Variants in YTHDC1 observed in about 807,000 individuals in gnomAD.
YTHDC1 encodes the protein YTH N6-methyladenosine RNA binding protein C1.
In YTHDC1, 12 loss-of-function variants were observed where a neutral mutation model predicts 107.0. The ratio of observed to expected loss-of-function variants is 0.11; its 90% CI spans 0.07 to 0.18. The LOEUF is 0.18. YTHDC1 is among the 10% of genes least tolerant of loss of function. The pLI is 1.00. For missense variants in YTHDC1, 635 were observed against 898.8 expected (o/e 0.71, Z 3.75); for synonymous variants, 280 against 289.5 (o/e 0.97, Z 0.33).
chr4:68,332,424 T>C (rs1723693441), intron 6 of YTHDC1, among the ~76,000 whole-genome samples: 1 of 152,116 alleles, frequency 6.6e-6, no homozygotes, highest in African/African-American at 2.4e-5. Flanking sequence ...TTCCGATATA[T>C]CAAATCCATA....
intron 10 of YTHDC1, among the ~76,000 whole-genome samples, chr4:68,323,807 A>G (rs1168688897): frequency 3.3e-5 from 5 of 152,226 alleles, no homozygotes; most frequent in African/African-American, 7.2e-5. Context: ...CACATATACT[A>G]AACGGCAATT....
chr4:68,345,892 C>T (rs983894867), intron 1 of YTHDC1, among the ~76,000 whole-genome samples: 22 of 151,750 alleles, frequency 1.4e-4, no homozygotes, highest in African/African-American at 4.8e-4. Context: ...AGATCTGTTG[C>T]CTAGGGACAA....
chr4:68,345,498 G>C (rs112008098), intron 1 of YTHDC1, among the ~76,000 whole-genome samples: 2 of 152,006 alleles, frequency 1.3e-5, no homozygotes, highest in African/African-American at 4.8e-5. Context: ...TGTAATGTAC[G>C]TTGTACATTT....
chr4:68,343,542 AAT>A lies in YTHDC1; in HGVS notation c.29-5160_29-5159del, dbSNP rs1491418149. 3.9e-3 allele frequency among the ~76,000 whole-genome samples: 472 copies of A among 121,984 alleles called. 2 individuals are homozygous for A. Among genetic ancestry groups the A allele is most frequent in the African/African-American group, 0.013 (462 of 34,700 alleles). 80.0% of individuals were successfully genotyped at this position (121,984 alleles called of 152,430 possible). A position where few individuals can be genotyped will look rare whatever the true frequency, so the allele number is the denominator to read the frequency against. On this transcript the variant is annotated intron_variant, in intron 1 of 16. Transcript: ENST00000344157. ...AAATCTTTAAAAAAAAAAAAAAAAA[AAT>A]TTTTTTTTTTTTTGAGACAGTCTCA...
rs958084034 is a variant in YTHDC1, at chr4:68,312,187, T to C, written c.*1912A>G. On this transcript the variant is annotated 3_prime_UTR_variant, in exon 17 of 17. Transcript: ENST00000344157. ...GGTTTAGAAACACCAAATAAAAACA[T>C]GGGTAAAATCTTGGCCCATCAATTA... 3.3e-5 allele frequency: 5 copies of C among 152,212 alleles called. No individual in the cohort carries two copies. Among genetic ancestry groups the C allele is most frequent in the African/African-American group, 9.7e-5 (4 of 41,444 alleles). 9.4% of individuals were successfully genotyped at this position (152,212 alleles called of 1,614,324 possible).
intron 1 of YTHDC1, among the ~76,000 whole-genome samples, chr4:68,339,869 A>G (rs924171805): frequency 7.9e-5 from 12 of 152,244 alleles, no homozygotes; most frequent in Non-Finnish European, 4.4e-5. Flanking sequence ...TCATGAAAGC[A>G]TAAAACTCAG....
chr4:68,337,475 C>T (rs772663025), intron 3 of YTHDC1, 25 bp from the exon 4 acceptor site: 1 of 1,608,866 alleles, frequency 6.2e-7, no homozygotes, highest in South Asian at 1.1e-5. Flanking sequence ...AAAAGGGAAT[C>T]AGCAGTCATA....
intron 1 of YTHDC1, among the ~76,000 whole-genome samples, chr4:68,348,576 G>T (rs1725706634): frequency 6.6e-6 from 1 of 151,796 alleles, no homozygotes; most frequent in Non-Finnish European, 1.5e-5. Context: ...TTTAGGATAA[G>T]GGCAGTATCT....
chr4:68,325,702 T>A (rs1325772114), intron 9 of YTHDC1, among the ~76,000 whole-genome samples: 1 of 152,174 alleles, frequency 6.6e-6, no homozygotes, highest in Non-Finnish European at 1.5e-5. Flanking sequence ...AGATCTTATA[T>A]AACTTGTTTT....
chr4:68,324,227 A>G lies in YTHDC1; in HGVS notation c.1350-4T>C. On this transcript the variant is annotated splice_polypyrimidine_tract_variant and splice_region_variant and intron_variant, in intron 9 of 16. Transcript: ENST00000344157. ...CTTAGTGAAGGGTAATTCACGCCTA[A>G]ATACAAAGTAATATCAATTACATTC... 6.2e-7 allele frequency: 1 copy of G among 1,607,256 alleles called. No individual in the cohort carries two copies. The highest frequency in any genetic ancestry group is 8.5e-7 in the Non-Finnish European group (1 of 1,174,240).
intron 9 of YTHDC1, among the ~76,000 whole-genome samples, chr4:68,326,967 C>G (rs1227277737): frequency 2.0e-5 from 3 of 151,554 alleles, no homozygotes; most frequent in African/African-American, 7.3e-5. Context: ...GGCGCAGTGG[C>G]TCATGCCTGT....
chr4:68,349,757 T>A lies in YTHDC1; in HGVS notation c.-4A>T. The A allele has an allele frequency of 6.2e-7, 1 of 1,612,564 alleles. No individual in the cohort carries two copies. ...CCTCCCGACTGTCAGCCGCCATGGC[T>A]CCCCTTCGGTTTCCGCCGCTGCCAC... On this transcript the variant is annotated 5_prime_UTR_variant, in exon 1 of 17. Transcript: ENST00000344157.
At position 68,337,172 on chromosome 4, in the gene YTHDC1, TTCC is replaced by T. The variant is rs764323977; in HGVS notation, c.735_737del (p.Glu249del). The T allele has an allele frequency of 1.3e-3, 2,085 of 1,586,142 alleles. 5 individuals are homozygous for T. The highest frequency in any genetic ancestry group is 3.3e-3 in the African/African-American group (244 of 74,298). The stretch of plus-strand genomic sequence containing the variant: ...TCTCATCCTGTTCATATTCTTCTTC[TTCC>T]TCCTCCTCCTCCTCCTCTTCCTCCT... On this transcript the variant is annotated inframe_deletion, in exon 4 of 17. Transcript: ENST00000344157.
Position 68,349,755 on chromosome 4 carries a change from G to A in YTHDC1, c.-2C>T. On this transcript the variant is annotated 5_prime_UTR_variant, in exon 1 of 17. Transcript: ENST00000344157. ...CTCCTCCCGACTGTCAGCCGCCATG[G>A]CTCCCCTTCGGTTTCCGCCGCTGCC... is the stretch of plus-strand genomic sequence containing the variant. The A allele has an allele frequency of 2.5e-6, 4 of 1,613,422 alleles. No homozygotes were observed. The highest frequency in any genetic ancestry group is 3.4e-6 in the Non-Finnish European group (4 of 1,179,834).
Position 68,312,414 on chromosome 4 carries a change from C to G in YTHDC1, c.*1685G>C, listed in dbSNP as rs1476085772. The G allele has an allele frequency of 1.3e-5, 2 of 152,164 alleles. No homozygotes were observed. The highest frequency in any genetic ancestry group is 2.9e-5 in the Non-Finnish European group (2 of 68,022). 9.4% of individuals were successfully genotyped at this position (152,164 alleles called of 1,614,324 possible). A position where few individuals can be genotyped will look rare whatever the true frequency, so the allele number is the denominator to read the frequency against. On this transcript the variant is annotated 3_prime_UTR_variant, in exon 17 of 17. Coordinates refer to ENST00000344157, the MANE Select transcript of YTHDC1 (RefSeq NM_001031732.4). The stretch of plus-strand genomic sequence containing the variant: ...AAACTGTAGCTATCATCTTGTCTAG[C>G]TTACTGATGAATACACAAAATGCCA...
chr4:68,317,176 A>G (rs1445441474), intron 15 of YTHDC1, among the ~76,000 whole-genome samples: 1 of 152,184 alleles, frequency 6.6e-6, no homozygotes, highest in Non-Finnish European at 1.5e-5. Flanking sequence ...CAGAGCTATC[A>G]TCACACCACT....
intron 1 of YTHDC1, among the ~76,000 whole-genome samples, chr4:68,349,214 A>G (rs1354325760): frequency 1.3e-5 from 2 of 152,210 alleles, no homozygotes; most frequent in Non-Finnish European, 2.9e-5. Flanking sequence ...CGGGTAATTC[A>G]CTTTGCCTAT....
intron 4 of YTHDC1, among the ~76,000 whole-genome samples, chr4:68,334,924 G>T (rs1242984097): frequency 6.6e-6 from 1 of 152,132 alleles, no homozygotes; most frequent in Non-Finnish European, 1.5e-5. Context: ...GAAAATAACA[G>T]AAGCAGAAGA....
At chr4:68,341,091 C>T (rs1724754921) in intron 1 of YTHDC1, among the ~76,000 whole-genome samples, 1 of 151,978 alleles carries the variant, frequency 6.6e-6, no homozygotes, top group Non-Finnish European at 1.5e-5. Context: ...ATCATATATA[C>T]AAATCATATA....
Sources: allele counts gnomAD v4.1 joint callset (sites outside exome capture counted in the v4.1 genomes callset), GRCh38; gene constraint gnomAD v4.1.1; transcripts MANE v1.5; gene names NCBI Gene and HGNC (gene_info 2026-07-23, HGNC 2026-07-21).